The following WDFY4 variants were observed in gnomAD, a reference collection of about 807,000 sequenced individuals.
The protein encoded by WDFY4 is WDFY family member 4.
In WDFY4, 169 loss-of-function variants were observed where a neutral mutation model predicts 351.9. The observed-to-expected ratio is 0.48, with a 90% confidence interval of 0.42 to 0.55. The LOEUF is 0.55. WDFY4 is among the 20% of genes least tolerant of loss of function. The probability of loss-of-function intolerance (pLI) is 0.00; values close to 1 mark genes in which losing one functional copy is unlikely to be tolerated. For missense variants in WDFY4, 3,803 were observed against 3,935.6 expected (o/e 0.97, Z 0.90); for synonymous variants, 1,622 against 1,574.6 (o/e 1.03, Z -0.71).
chr10:48,826,980 T>A (rs566770798), intron 36 of WDFY4, 71 bp downstream of exon 36: 499 of 1,280,410 alleles, frequency 3.9e-4, no homozygotes, highest in Non-Finnish European at 5.0e-4. Context: ...GAGGAAAGCT[T>A]GATTGAGGAC....
chr10:48,736,065 C>A lies in WDFY4; in HGVS notation c.1873C>A (p.Leu625Met), dbSNP rs2064653273. The A allele has an allele frequency of 1.3e-6, 2 of 1,551,684 alleles. No individual in the cohort carries two copies. The highest frequency in any genetic ancestry group is 1.7e-6 in the Non-Finnish European group (2 of 1,147,028). Residue 625 changes from leucine to methionine, a missense_variant, in exon 11 of 62, where the codon CTG (leucine) becomes ATG (methionine). Physicochemically the swap from Leu to Met is conservative, Grantham distance 15 (BLOSUM62 2). Transcript: ENST00000325239. ...QGELQLKLDLLKSLLRILVTP... is the reference protein window; with the variant it reads ...QGELQLKLDLMKSLLRILVTP... Reference sequence around the variant, plus strand: ...GGAGCTGCAGCTGAAACTGGATCTCCTGAAGGTGATTTCAAGTCCTCCTTT... The same window carrying A: ...GGAGCTGCAGCTGAAACTGGATCTCATGAAGGTGATTTCAAGTCCTCCTTT...
chr10:48,728,082 G>A (rs1338165559), intron 7 of WDFY4, among the ~76,000 whole-genome samples: 1 of 152,204 alleles, frequency 6.6e-6, no homozygotes, highest in African/African-American at 2.4e-5. Flanking sequence ...GCCCTTGGGT[G>A]GGCTTGCTCT....
intron 23 of WDFY4, among the ~76,000 whole-genome samples, chr10:48,795,328 T>C (rs78154518): frequency 0.044 from 6,720 of 151,542 alleles, 520 homozygotes; most frequent in African/African-American, 0.16. Flanking sequence ...AAAATATAGC[T>C]TATTAGAAGG....
At chr10:48,827,939 G>A (rs2068059969) in intron 36 of WDFY4, among the ~76,000 whole-genome samples, 1 of 151,822 alleles carries the variant, frequency 6.6e-6, no homozygotes. Flanking sequence ...GTCCATCCTG[G>A]AAGCACAGGT....
chr10:48,847,803 T>C (rs1384450745), intron 39 of WDFY4, among the ~76,000 whole-genome samples: 4 of 152,176 alleles, frequency 2.6e-5, no homozygotes, highest in Non-Finnish European at 5.9e-5. Context: ...CTTCATGTAC[T>C]CATGACAATT....
chr10:48,703,255 C>T (rs973962573), intron 1 of WDFY4, among the ~76,000 whole-genome samples: 14 of 152,242 alleles, frequency 9.2e-5, no homozygotes, highest in African/African-American at 2.6e-4. Flanking sequence ...GTGTTTGGAT[C>T]GGCTGACAAG....
chr10:48,765,102 A>G (rs764370700), intron 13 of WDFY4, among the ~76,000 whole-genome samples: 1 of 152,266 alleles, frequency 6.6e-6, no homozygotes, highest in Non-Finnish European at 1.5e-5. Context: ...AATAGAACAC[A>G]TGAATAGAAC....
At chr10:48,907,584 A>G (rs1345640211) in intron 47 of WDFY4, among the ~76,000 whole-genome samples, 2 of 152,328 alleles carry the variant, frequency 1.3e-5, no homozygotes, top group Admixed American at 6.5e-5. Context: ...AACCTACCAT[A>G]AGAACCTATG....
chr10:48,792,999 AG>A (rs2066734120), intron 23 of WDFY4, among the ~76,000 whole-genome samples: 1 of 152,206 alleles, frequency 6.6e-6, no homozygotes, highest in Non-Finnish European at 1.5e-5. Flanking sequence ...GGGGTCAAAA[AG>A]GGTTTTGTTA....
chr10:48,733,099 GTCTTA>G (rs2064523702), intron 9 of WDFY4, among the ~76,000 whole-genome samples: 1 of 152,202 alleles, frequency 6.6e-6, no homozygotes, highest in South Asian at 2.1e-4. Flanking sequence ...TGGTGGTTCT[GTCTTA>G]TCTTAGCTGG....
chr10:48,892,487 C>T (rs1482588180), intron 44 of WDFY4, among the ~76,000 whole-genome samples: 2 of 152,202 alleles, frequency 1.3e-5, no homozygotes, highest in Non-Finnish European at 2.9e-5. Flanking sequence ...TAGTTTTAGT[C>T]ACCATACCTC....
chr10:48,912,065 C>T (rs55645343), intron 47 of WDFY4, among the ~76,000 whole-genome samples: 1 of 152,154 alleles, frequency 6.6e-6, no homozygotes, highest in African/African-American at 2.4e-5. Flanking sequence ...GGGAAAAAAG[C>T]CTCCCTCAAG....
intron 55 of WDFY4, chr10:48,968,521 C>T (rs1461512846): frequency 6.5e-6 from 1 of 154,380 alleles, no homozygotes; most frequent in Non-Finnish European, 1.4e-5. Context: ...GAGTGGCCCC[C>T]ACCAGGAGGA....
chr10:48,798,552 G>A (rs114748631), intron 24 of WDFY4, among the ~76,000 whole-genome samples: 2,395 of 152,236 alleles, frequency 0.016, 61 homozygotes, highest in African/African-American at 0.051. Context: ...CAATCTCATC[G>A]AAAATGTAAG....
chr10:48,860,312 C>T (rs929180315), intron 39 of WDFY4, among the ~76,000 whole-genome samples: 22 of 152,132 alleles, frequency 1.4e-4, no homozygotes, highest in Non-Finnish European at 2.9e-4. Context: ...AAGTTACTAC[C>T]CACAGGCTGG....
At chr10:48,757,427 G>A (rs986418083) in intron 12 of WDFY4, among the ~76,000 whole-genome samples, 9 of 152,148 alleles carry the variant, frequency 5.9e-5, no homozygotes, top group African/African-American at 2.2e-4. Flanking sequence ...GATATGAGTA[G>A]AATTACACCA....
In WDFY4 at chr10:48,949,526, T is replaced by A. The variant is rs373735950; in HGVS notation, c.7977+2557T>A. ...CCTGCCTCCTAGGGGGAGGCCTGTA[T>A]CTTCTCCAGAGACCTTTGCTTCACT... On this transcript the variant is annotated intron_variant, in intron 51 of 61. Coordinates refer to ENST00000325239, the MANE Select transcript of WDFY4 (RefSeq NM_001394531.1). 1.3e-4 allele frequency among the ~76,000 whole-genome samples: 20 copies of A among 152,108 alleles called. 1 individual carries two copies. The East Asian group carries it at 1.5e-3, about 12-fold the overall frequency.
chr10:48,767,909 A>G (rs757640329), intron 13 of WDFY4, among the ~76,000 whole-genome samples: 36 of 151,984 alleles, frequency 2.4e-4, no homozygotes, highest in Non-Finnish European at 3.7e-4. Flanking sequence ...CACTTCCAGG[A>G]CCCCCAGAAA....
intron 13 of WDFY4, among the ~76,000 whole-genome samples, chr10:48,773,423 A>G (rs778422629): frequency 6.6e-6 from 1 of 152,244 alleles, no homozygotes; most frequent in African/African-American, 2.4e-5. Flanking sequence ...TTGTAAAGGA[A>G]CATCCCACCC....
Sources: allele counts gnomAD v4.1 joint callset (sites outside exome capture counted in the v4.1 genomes callset), GRCh38; gene constraint gnomAD v4.1.1; transcripts MANE v1.5; gene names NCBI Gene and HGNC (gene_info 2026-07-23, HGNC 2026-07-21).